Variants in SHISA9 observed in about 807,000 individuals in gnomAD.
SHISA9 encodes shisa family member 9, also known as protein shisa-9.
A neutral mutation model predicts 38.0 loss-of-function variants in SHISA9; 13 were observed. The observed-to-expected ratio is 0.34, with a 90% CI of 0.22 to 0.54. SHISA9 has a LOEUF of 0.54. Among genes scored for constraint, SHISA9 ranks in the 20% least tolerant of loss-of-function variants. The pLI is 0.91. For missense variants in SHISA9, 538 were observed against 575.8 expected (o/e 0.93, Z 0.67); for synonymous variants, 275 against 242.0 (o/e 1.14, Z -1.27).
chr16:13,532,803 A>T, the SHISA9 span, among the ~76,000 whole-genome samples: 1 of 150,762 alleles, frequency 6.6e-6, no homozygotes, highest in Non-Finnish European at 1.5e-5. Flanking sequence ...CCAGACACTC[A>T]CTCTTTCATT....
chr16:13,388,754 A>G, the SHISA9 span, among the ~76,000 whole-genome samples: 47 of 144,438 alleles, frequency 3.3e-4, no homozygotes, highest in African/African-American at 1.1e-3. Context: ...TTCTATCCTC[A>G]ATGGTTTTAG....
intron 2 of SHISA9, among the ~76,000 whole-genome samples, chr16:12,980,015 T>G (rs1443876000): frequency 6.6e-6 from 1 of 152,204 alleles, no homozygotes; most frequent in East Asian, 1.9e-4. Flanking sequence ...AGTTCCTGTA[T>G]TTTTACAAGG....
intron 2 of SHISA9, among the ~76,000 whole-genome samples, chr16:13,133,133 T>G (rs893435228): frequency 6.6e-6 from 1 of 152,074 alleles, no homozygotes; most frequent in African/African-American, 2.4e-5. Context: ...CGTAGACAAA[T>G]AAGGTGAGCA....
intron 2 of SHISA9, among the ~76,000 whole-genome samples, chr16:13,129,367 C>T (rs940775147): frequency 6.6e-6 from 1 of 152,202 alleles, no homozygotes; most frequent in Non-Finnish European, 1.5e-5. Context: ...CCACTATTCT[C>T]CTAAGTTCTT....
chr16:12,948,370 A>C (rs2071713441), intron 2 of SHISA9, among the ~76,000 whole-genome samples: 1 of 152,228 alleles, frequency 6.6e-6, no homozygotes, highest in South Asian at 2.1e-4. Context: ...ACTGGAAAAT[A>C]CAGAATGGTA....
chr16:13,385,044 T>C, the SHISA9 span, among the ~76,000 whole-genome samples: 1 of 152,262 alleles, frequency 6.6e-6, no homozygotes, highest in Non-Finnish European at 1.5e-5. Context: ...CCAAAGAAGA[T>C]ATGCATGAAA....
At chr16:12,989,880 G>A (rs1219136267) in intron 2 of SHISA9, among the ~76,000 whole-genome samples, 1 of 152,112 alleles carries the variant, frequency 6.6e-6, no homozygotes. Context: ...TCATCCCGTC[G>A]CCTGGGTGTG....
the SHISA9 span, among the ~76,000 whole-genome samples, chr16:13,382,541 A>AG: frequency 6.6e-6 from 1 of 150,736 alleles, no homozygotes; most frequent in Admixed American, 6.6e-5. Context: ...AAAAAAAAAA[A>AG]AAAAAAAAGA....
At chr16:13,502,486 A>G in the SHISA9 span, among the ~76,000 whole-genome samples, 2 of 152,216 alleles carry the variant, frequency 1.3e-5, no homozygotes, top group African/African-American at 4.8e-5. Context: ...TATTTATTGT[A>G]TACCTACCAT....
intron 2 of SHISA9, among the ~76,000 whole-genome samples, chr16:13,194,507 C>T (rs1472993853): frequency 6.6e-6 from 1 of 152,138 alleles, no homozygotes; most frequent in Non-Finnish European, 1.5e-5. Context: ...CATAAGGATG[C>T]CTGGGATAAT....
chr16:13,470,308 CT>C, the SHISA9 span, among the ~76,000 whole-genome samples: 1 of 152,110 alleles, frequency 6.6e-6, no homozygotes, highest in Non-Finnish European at 1.5e-5. Context: ...CGGTATTCTT[CT>C]TTTGAATTTA....
the SHISA9 span, among the ~76,000 whole-genome samples, chr16:13,359,256 G>A: frequency 6.6e-6 from 1 of 152,080 alleles, no homozygotes; most frequent in Non-Finnish European, 1.5e-5. Flanking sequence ...AAGGCGGGGT[G>A]GATCATTTGA....
chr16:13,147,436 T>C (rs1320038982), intron 2 of SHISA9, among the ~76,000 whole-genome samples: 1 of 151,098 alleles, frequency 6.6e-6, no homozygotes, highest in East Asian at 1.9e-4. Flanking sequence ...GTTTTCTTCA[T>C]TCTTACAAAA....
chr16:13,248,727 A>G, the SHISA9 span, among the ~76,000 whole-genome samples: 1 of 152,168 alleles, frequency 6.6e-6, no homozygotes, highest in Non-Finnish European at 1.5e-5. Context: ...CTAATGTGGT[A>G]CCTTGGTTTT....
chr16:13,155,577 GT>G (rs1390540399), intron 2 of SHISA9, among the ~76,000 whole-genome samples: 1 of 140,942 alleles, frequency 7.1e-6, no homozygotes, highest in Non-Finnish European at 1.6e-5. Flanking sequence ...TAGTGTGTTT[GT>G]TTGTGTGTGT....
At chr16:13,556,819 C>A in the SHISA9 span, among the ~76,000 whole-genome samples, 1 of 151,948 alleles carries the variant, frequency 6.6e-6, no homozygotes, top group South Asian at 2.1e-4. Flanking sequence ...CAAATTTTTT[C>A]AATACAGTAT....
At chr16:13,429,866 G>A in the SHISA9 span, among the ~76,000 whole-genome samples, 1 of 152,164 alleles carries the variant, frequency 6.6e-6, no homozygotes, top group African/African-American at 2.4e-5. Context: ...TCCTTGTTAT[G>A]AGCTAAATTG....
At chr16:12,952,793 G>C (rs1279580989) in intron 2 of SHISA9, among the ~76,000 whole-genome samples, 1 of 152,158 alleles carries the variant, frequency 6.6e-6, no homozygotes, top group Non-Finnish European at 1.5e-5. Flanking sequence ...GCAGAACTGT[G>C]AGTCAATTGA....
intron 2 of SHISA9, among the ~76,000 whole-genome samples, chr16:13,186,038 G>A (rs1319381757): frequency 6.6e-6 from 1 of 152,142 alleles, no homozygotes; most frequent in Non-Finnish European, 1.5e-5. Flanking sequence ...GTAGCGAATT[G>A]GCTGGGACAG....
Sources: allele counts gnomAD v4.1 joint callset (sites outside exome capture counted in the v4.1 genomes callset), GRCh38; gene constraint gnomAD v4.1.1; transcripts MANE v1.5; gene names NCBI Gene and HGNC (gene_info 2026-07-23, HGNC 2026-07-21).